AMMECR1: variants seen among roughly 807,000 people sequenced by gnomAD.
The protein encoded by AMMECR1 is nuclear protein AMMECR1.
Under a neutral mutation model 22.5 loss-of-function variants are expected in AMMECR1, and 3 were observed. The observed-to-expected ratio is 0.13, with a 90% CI of 0.06 to 0.35. The LOEUF is 0.35. AMMECR1 is among the 10% of genes least tolerant of loss of function. The pLI is 1.00. For synonymous variants in AMMECR1, 130 were observed against 116.7 expected (o/e 1.11, Z -0.74); for missense variants, 235 against 278.7 (o/e 0.84, Z 1.12).
intron 2 of AMMECR1, among the ~76,000 whole-genome samples, chrX:110,228,523 C>T (rs902436665): frequency 1.6e-4 from 18 of 111,414 alleles, no homozygotes; most frequent in Non-Finnish European, 2.4e-4. Flanking sequence ...TCCAATAACA[C>T]TCCAGAGCAG....
chrX:110,421,267 G>A (rs1000169722), intron 2 of AMMECR1, among the ~76,000 whole-genome samples: 8 of 112,688 alleles, frequency 7.1e-5, no homozygotes, highest in Non-Finnish European at 1.1e-4. Flanking sequence ...AGGCACAGCA[G>A]TCTGAAGGTG....
At chrX:110,333,541 C>G (rs2068129332) in intron 2 of AMMECR1, among the ~76,000 whole-genome samples, 2 of 111,654 alleles carry the variant, frequency 1.8e-5, no homozygotes, top group Non-Finnish European at 3.8e-5. Context: ...TGTTGCAGCA[C>G]TGTTCACAAT....
chrX:110,277,856 C>T (rs1448395579), intron 1 of AMMECR1, among the ~76,000 whole-genome samples: 1 of 111,709 alleles, frequency 9.0e-6, no homozygotes, highest in Non-Finnish European at 1.9e-5. Flanking sequence ...TTCTTTAAGC[C>T]CATGCCAAAA....
chrX:110,225,456 A>G (rs756087412), intron 2 of AMMECR1, among the ~76,000 whole-genome samples: 2 of 111,980 alleles, frequency 1.8e-5, no homozygotes, highest in Non-Finnish European at 3.8e-5. Context: ...TAGTTTATCT[A>G]GCTTTAACTG....
intron 1 of AMMECR1, among the ~76,000 whole-genome samples, chrX:110,286,038 G>T (rs945162589): frequency 8.9e-6 from 1 of 112,081 alleles, no homozygotes; most frequent in Non-Finnish European, 1.9e-5. Flanking sequence ...TGGCAGTTAG[G>T]ATGGCAGGGT....
At chrX:110,368,861 C>T (rs1399277046) in intron 2 of AMMECR1, among the ~76,000 whole-genome samples, 1 of 111,394 alleles carries the variant, frequency 9.0e-6, no homozygotes, top group Non-Finnish European at 1.9e-5. Context: ...TTCCAAGATT[C>T]CTGCCATCTT....
intron 2 of AMMECR1, among the ~76,000 whole-genome samples, chrX:110,351,314 T>C (rs2068210329): frequency 9.0e-6 from 1 of 111,689 alleles, no homozygotes; most frequent in Non-Finnish European, 1.9e-5. Context: ...AAGACATTAG[T>C]TGGAGGATGC....
intron 1 of AMMECR1, among the ~76,000 whole-genome samples, chrX:110,311,271 C>T (rs1417598392): frequency 8.9e-6 from 1 of 112,060 alleles, no homozygotes; most frequent in African/African-American, 3.2e-5. Flanking sequence ...GTTATTCCCT[C>T]CCTATAGCCT....
Position 110,200,893 on chromosome X carries a change from G to A in AMMECR1, c.887+61C>T, listed in dbSNP as rs988844203. ...TTAGAGAGACCAAAGAAATCAAAGGGTTATAGGCATACACATCAAAATGTA... is the reference window on the plus strand; with the variant it reads ...TTAGAGAGACCAAAGAAATCAAAGGATTATAGGCATACACATCAAAATGTA... On this transcript the variant is annotated intron_variant, in intron 5 of 5. Transcript: ENST00000262844. 31 of 827,551 alleles carry A rather than the reference G, an allele frequency of 3.7e-5. No homozygotes were observed. In the African/African-American group the frequency reaches 4.9e-4, roughly 13 times the overall value. 68.2% of individuals were successfully genotyped at this position (827,551 alleles called of 1,213,427 possible).
At chrX:110,297,022 ATTGT>A (rs2067940346) in intron 1 of AMMECR1, among the ~76,000 whole-genome samples, 1 of 111,386 alleles carries the variant, frequency 9.0e-6, no homozygotes, top group African/African-American at 3.3e-5. Context: ...GTTTATTGTT[ATTGT>A]TTGTTTAGTG....
intron 3 of AMMECR1, among the ~76,000 whole-genome samples, chrX:110,206,983 T>G (rs1036020798): frequency 2.2e-4 from 25 of 112,115 alleles, no homozygotes; most frequent in Admixed American, 1.3e-3. Context: ...AAGCATCCAG[T>G]TACTGGCCAT....
chrX:110,425,768 G>GAA (rs2068748682), intron 2 of AMMECR1, among the ~76,000 whole-genome samples: 1 of 112,371 alleles, frequency 8.9e-6, no homozygotes, highest in South Asian at 3.7e-4. Flanking sequence ...CATATAGCTG[G>GAA]TTGGAGCTGG....
At chrX:110,378,085 C>G (rs771979858) in intron 2 of AMMECR1, among the ~76,000 whole-genome samples, 45 of 106,635 alleles carry the variant, frequency 4.2e-4, no homozygotes, top group African/African-American at 1.4e-3. Context: ...CTTCAAGATT[C>G]TGATTTCCTT....
At chrX:110,388,440 T>C (rs1459480750) in intron 2 of AMMECR1, among the ~76,000 whole-genome samples, 2 of 111,833 alleles carry the variant, frequency 1.8e-5, no homozygotes, top group Non-Finnish European at 3.8e-5. Flanking sequence ...GGCAGCTGCT[T>C]GGCATAGATA....
At chrX:110,404,007 C>T (rs2068581576) in intron 2 of AMMECR1, among the ~76,000 whole-genome samples, 1 of 112,496 alleles carries the variant, frequency 8.9e-6, no homozygotes, top group African/African-American at 3.2e-5. Context: ...GCACACAGTC[C>T]AGCATGGGGT....
intron 3 of AMMECR1, among the ~76,000 whole-genome samples, chrX:110,213,905 C>G (rs2067459528): frequency 9.0e-6 from 1 of 110,722 alleles, no homozygotes; most frequent in Non-Finnish European, 1.9e-5. Flanking sequence ...TGGGCTTTTC[C>G]TCTTAGCATA....
At chrX:110,240,907 T>G (rs935201159) in intron 2 of AMMECR1, among the ~76,000 whole-genome samples, 1 of 112,016 alleles carries the variant, frequency 8.9e-6, no homozygotes, top group African/African-American at 3.3e-5. Flanking sequence ...AAATTAGAAC[T>G]CAGGATTAAG....
intron 2 of AMMECR1, among the ~76,000 whole-genome samples, chrX:110,348,932 A>G (rs892400244): frequency 1.8e-5 from 2 of 112,358 alleles, no homozygotes; most frequent in Admixed American, 9.5e-5. Context: ...TCACAAGTAT[A>G]TATTACTTTT....
At chrX:110,397,806 G>A (rs2068538324) in intron 2 of AMMECR1, among the ~76,000 whole-genome samples, 2 of 111,820 alleles carry the variant, frequency 1.8e-5, no homozygotes, top group African/African-American at 3.3e-5. Context: ...AATGGACTTG[G>A]GGGGGCAAAC....
Sources: allele counts gnomAD v4.1 joint callset (sites outside exome capture counted in the v4.1 genomes callset), GRCh38; gene constraint gnomAD v4.1.1; transcripts MANE v1.5; gene names NCBI Gene and HGNC (gene_info 2026-07-23, HGNC 2026-07-21).